The following GUCY2C variants were observed in gnomAD, a reference collection of about 807,000 sequenced individuals.
GUCY2C encodes the protein guanylyl cyclase C.
In GUCY2C, 118 loss-of-function variants were observed where a neutral mutation model predicts 131.1. The observed-to-expected ratio is 0.90, with a 90% CI of 0.78 to 1.05. The LOEUF (loss-of-function observed/expected upper bound fraction) is 1.05. Ranked by LOEUF, GUCY2C falls within the 50% of genes least tolerant of loss-of-function variation. The pLI, the probability that GUCY2C is intolerant of heterozygous loss-of-function variation, is 0.00. For synonymous variants in GUCY2C, 452 were observed against 457.8 expected (o/e 0.99, Z 0.16); for missense variants, 1,161 against 1,304.4 (o/e 0.89, Z 1.69).
intron 10 of GUCY2C, chr12:14,665,605 A>G (rs549887086): frequency 4.6e-5 from 7 of 152,412 alleles, no homozygotes; most frequent in Admixed American, 3.9e-4. Context: ...GCAGGAAGTC[A>G]GTTTGACGTC....
chr12:14,649,920 G>A lies in GUCY2C; in HGVS notation c.1710+1487C>T, dbSNP rs1257980505. Among the ~76,000 whole-genome samples, 4 of 152,168 alleles carry A rather than the reference G, an allele frequency of 2.6e-5. No individual in the cohort carries two copies. In the East Asian group the frequency reaches 5.8e-4, roughly 22 times the overall value. ...ATTAAATATTTATTTTTTTGAAACA[G>A]ATTTCATGATTATATTGCTTCTGAA... On this transcript the variant is annotated intron_variant, in intron 15 of 26. Transcript: ENST00000261170.
chr12:14,613,317 T>C lies in GUCY2C; in HGVS notation c.3048-26A>G. 1 of 1,578,202 alleles carries C rather than the reference T, an allele frequency of 6.3e-7. No individual in the cohort carries two copies. Among genetic ancestry groups the C allele is most frequent in the Non-Finnish European group, 8.7e-7 (1 of 1,148,076 alleles). Reference sequence around the variant, plus strand: ...CTGGAAACAGAGTGGGAAGAGAAAATAGAACTTCTCAGCAATTCATACAGA... The same window carrying C: ...CTGGAAACAGAGTGGGAAGAGAAAACAGAACTTCTCAGCAATTCATACAGA... On this transcript the variant is annotated intron_variant, in intron 26 of 26. Coordinates refer to ENST00000261170, the MANE Select transcript of GUCY2C (RefSeq NM_004963.4). This position sits in a 1 kb window ranked among gnomAD's most constrained non-coding sequence, Gnocchi z 4.9.
chr12:14,679,535 A>C (rs1948305854), intron 6 of GUCY2C, 122 bp downstream of exon 6: 1 of 614,038 alleles, frequency 1.6e-6, no homozygotes, highest in Non-Finnish European at 2.9e-6. Flanking sequence ...TTCAAATATT[A>C]TCATCATACT....
chr12:14,658,393 T>C (rs1947801020), intron 11 of GUCY2C, among the ~76,000 whole-genome samples: 1 of 152,172 alleles, frequency 6.6e-6, no homozygotes, highest in Non-Finnish European at 1.5e-5. Context: ...GTCATTTTTA[T>C]TGGACAGGCA....
At chr12:14,615,632 G>T (rs1449298985) in intron 25 of GUCY2C, among the ~76,000 whole-genome samples, 2 of 145,820 alleles carry the variant, frequency 1.4e-5, no homozygotes, top group East Asian at 2.0e-4. Context: ...ATGAGTGATT[G>T]ATATATATAT....
chr12:14,651,876 C>G (rs1018878364), intron 14 of GUCY2C, 83 bp downstream of exon 14: 1 of 745,106 alleles, frequency 1.3e-6, no homozygotes, highest in Non-Finnish European at 2.3e-6. Flanking sequence ...TTTCTGTCAG[C>G]CTCTTACTCC....
In GUCY2C at chr12:14,683,056, A is replaced by T. The variant is rs575361829; in HGVS notation, c.597T>A (p.Thr199=). The T allele has an allele frequency of 4.4e-6, 7 of 1,603,770 alleles. No homozygotes were observed. In the African/African-American group the frequency reaches 8.0e-5, roughly 18 times the overall value. ...ATCCTGCTTACCAGAAACAGTCCTC[A>T]GTTTCTGTACCATTCTTGTAAACAT... ...TSYVYKNGTE[T]EDCFWYLNAL... is the part of the protein sequence containing the mutation. The change falls in exon 4 of 27, where the codon ACT becomes ACA. Residue 199 remains threonine (T), a synonymous_variant. Transcript: ENST00000261170.
At chr12:14,657,755 T>C (rs7962910) in intron 11 of GUCY2C, among the ~76,000 whole-genome samples, 149,782 of 152,200 alleles carry the variant, frequency 0.98, 73,738 homozygotes, top group Middle Eastern at 1. Context: ...CTCAAAACTC[T>C]CCCCACCCCC....
rs757212173 is a variant in GUCY2C, at chr12:14,621,204, C to T, written c.2614G>A (p.Gly872Ser). The T allele has an allele frequency of 8.1e-6, 13 of 1,612,390 alleles. No individual in the cohort carries two copies. The highest frequency in any genetic ancestry group is 1.7e-5 in the Admixed American group (1 of 59,962). Residue 872 changes from glycine (G) to serine (S), a missense_variant, in exon 23 of 27, where the codon GGT becomes AGT. By Grantham distance (56) the Gly-to-Ser change is moderately conservative. Transcript: ENST00000261170. ...CCACTAGCCACCATGTACGCATCAC[C>T]GATGGTTTCCACCTGTGGAAACAGT... The part of the protein sequence containing the change: ...HHDVYKVETI[G>S]DAYMVASGLP...
chr12:14,639,437 T>C (rs1370724902), intron 19 of GUCY2C, among the ~76,000 whole-genome samples: 1 of 152,110 alleles, frequency 6.6e-6, no homozygotes, highest in East Asian at 1.9e-4. Flanking sequence ...TGCGTCCTAA[T>C]ACCTGGAACC....
At chr12:14,685,405 C>T (rs2137099953) in intron 3 of GUCY2C, among the ~76,000 whole-genome samples, 1 of 152,186 alleles carries the variant, frequency 6.6e-6, no homozygotes, top group South Asian at 2.1e-4. Context: ...TGTTTACTCT[C>T]CAAAATCCAT....
chr12:14,676,965 C>T lies in GUCY2C; in HGVS notation c.837G>A (p.Gln279=). 4 of 1,288,972 alleles carry T rather than the reference C, an allele frequency of 3.1e-6. No individual in the cohort carries two copies. Among genetic ancestry groups the T allele is most frequent in the Non-Finnish European group, 4.4e-6 (4 of 912,606 alleles). 79.8% of individuals were successfully genotyped at this position (1,288,972 alleles called of 1,614,324 possible). A position where few individuals can be genotyped will look rare whatever the true frequency, so the allele number is the denominator to read the frequency against. Residue 279 remains glutamine (Q), a synonymous_variant, in exon 7 of 27, where the codon CAG becomes CAA. Transcript: ENST00000261170. ...GGGCTGTGACATTGTCCTCAAAGTACTGGTCACTGTAATAAAAAGCACAGG... is the reference window on the plus strand; with the variant it reads ...GGGCTGTGACATTGTCCTCAAAGTATTGGTCACTGTAATAAAAAGCACAGG... ...VIILVDLFND[Q]YFEDNVTAPD... is the part of the protein sequence containing the mutation.
rs1258275422 is a variant in GUCY2C, at chr12:14,659,410, G to A, written c.1364+1571C>T. On this transcript the variant is annotated intron_variant, in intron 11 of 26. Coordinates refer to ENST00000261170, the MANE Select transcript of GUCY2C (RefSeq NM_004963.4). ...ATATTATAAGTTCTTGCTTGTATCT[G>A]ATTCTGGAACTGATATTCTTTTCTA... is the stretch of plus-strand genomic sequence containing the variant. Among the ~76,000 whole-genome samples the A allele has an allele frequency of 2.6e-5, 4 of 152,118 alleles. No homozygotes were observed. The East Asian group carries it at 5.8e-4, about 22-fold the overall frequency.
At chr12:14,637,026 G>T (rs888416960) in intron 19 of GUCY2C, among the ~76,000 whole-genome samples, 3 of 151,826 alleles carry the variant, frequency 2.0e-5, no homozygotes, top group Non-Finnish European at 4.4e-5. Flanking sequence ...CTGGGAGGCG[G>T]AGGTTGCAGT....
intron 19 of GUCY2C, among the ~76,000 whole-genome samples, chr12:14,635,445 G>A (rs1315820621): frequency 6.6e-6 from 1 of 151,988 alleles, no homozygotes; most frequent in Admixed American, 6.6e-5. Flanking sequence ...CACAACTTAT[G>A]GGATACAGCG....
chr12:14,668,813 G>T (rs933123529), intron 10 of GUCY2C, among the ~76,000 whole-genome samples: 1 of 152,122 alleles, frequency 6.6e-6, no homozygotes, highest in African/African-American at 2.4e-5. Context: ...CCTGCCTGCT[G>T]CTGATGGTGA....
At chr12:14,615,617 T>G (rs1005332290) in intron 25 of GUCY2C, among the ~76,000 whole-genome samples, 1 of 147,830 alleles carries the variant, frequency 6.8e-6, no homozygotes, top group Non-Finnish European at 1.5e-5. Context: ...ATCAATAATT[T>G]AAAAATGAGT....
chr12:14,643,056 C>CT (rs973201212), intron 17 of GUCY2C, among the ~76,000 whole-genome samples: 3 of 152,072 alleles, frequency 2.0e-5, no homozygotes, highest in Non-Finnish European at 4.4e-5. Context: ...TTTATGTTAT[C>CT]TTTTTTGACT....
intron 11 of GUCY2C, among the ~76,000 whole-genome samples, chr12:14,657,004 T>C (rs968635389): frequency 1.3e-5 from 2 of 152,206 alleles, no homozygotes; most frequent in African/African-American, 4.8e-5. Context: ...TTCACGCTCC[T>C]ATGACAATCT....
Sources: allele counts gnomAD v4.1 joint callset (sites outside exome capture counted in the v4.1 genomes callset), GRCh38; gene constraint gnomAD v4.1.1; non-coding constraint Gnocchi (gnomAD v3.1); transcripts MANE v1.5; gene names NCBI Gene and HGNC (gene_info 2026-07-23, HGNC 2026-07-21).